Variants in LRMDA observed in about 807,000 individuals in gnomAD.
LRMDA encodes the protein leucine rich melanocyte differentiation associated.
In LRMDA, 18 loss-of-function variants were observed where a neutral mutation model predicts 29.8. That is an observed-to-expected ratio of 0.60 (90% CI 0.42 to 0.90). The LOEUF (loss-of-function observed/expected upper bound fraction) is 0.90, where lower values mean the gene tolerates loss of function less well. LRMDA is among the 40% of genes least tolerant of loss of function. The probability of loss-of-function intolerance (pLI) is 0.00; values close to 1 mark genes in which losing one functional copy is unlikely to be tolerated. For missense variants in LRMDA, 273 were observed against 273.9 expected (o/e 1.00, Z 0.02); for synonymous variants, 125 against 109.4 (o/e 1.14, Z -0.89).
At chr10:75,472,172 C>T (rs1390887259) in intron 2 of LRMDA, among the ~76,000 whole-genome samples, 1 of 152,168 alleles carries the variant, frequency 6.6e-6, no homozygotes, top group Non-Finnish European at 1.5e-5. Context: ...CATCTATAGC[C>T]TCCAGTCCCT....
intron 2 of LRMDA, among the ~76,000 whole-genome samples, chr10:76,015,575 C>T (rs369584294): frequency 1.2e-4 from 19 of 152,282 alleles, no homozygotes; most frequent in African/African-American, 4.6e-4. Flanking sequence ...ATATCCATCA[C>T]GTCTGCAGGA....
intron 2 of LRMDA, among the ~76,000 whole-genome samples, chr10:75,439,311 C>G (rs1844299565): frequency 6.6e-6 from 1 of 152,138 alleles, no homozygotes; most frequent in African/African-American, 2.4e-5. Context: ...TCCATGCCCT[C>G]CTTGAGAGCT....
At chr10:75,568,067 A>G (rs893970090) in intron 2 of LRMDA, among the ~76,000 whole-genome samples, 1 of 152,224 alleles carries the variant, frequency 6.6e-6, no homozygotes, top group African/African-American at 2.4e-5. Flanking sequence ...TAGAAAGTAG[A>G]CAAATTGTAG....
chr10:76,526,435 T>A (rs1843174952), intron 6 of LRMDA, among the ~76,000 whole-genome samples: 1 of 152,140 alleles, frequency 6.6e-6, no homozygotes, highest in Non-Finnish European at 1.5e-5. Flanking sequence ...AAGAAGGATG[T>A]CTTTCCCTTA....
At chr10:76,167,346 CA>C (rs1850759108) in intron 5 of LRMDA, among the ~76,000 whole-genome samples, 2 of 152,146 alleles carry the variant, frequency 1.3e-5, no homozygotes, top group Admixed American at 1.3e-4. Flanking sequence ...GCTTTTGTTG[CA>C]ATTGCTTTTG....
At chr10:76,522,544 G>A (rs919909897) in intron 6 of LRMDA, among the ~76,000 whole-genome samples, 4 of 152,222 alleles carry the variant, frequency 2.6e-5, no homozygotes, top group Non-Finnish European at 5.9e-5. Context: ...GCAAAGCCCA[G>A]TGTACTGGTT....
intron 5 of LRMDA, among the ~76,000 whole-genome samples, chr10:76,302,384 G>C (rs1840492351): frequency 6.6e-6 from 1 of 152,146 alleles, no homozygotes; most frequent in Non-Finnish European, 1.5e-5. Context: ...AAGGAGAAAA[G>C]GCTGAAGGTG....
chr10:76,444,686 G>C (rs1463689329), intron 6 of LRMDA, among the ~76,000 whole-genome samples: 1 of 152,070 alleles, frequency 6.6e-6, no homozygotes, highest in Non-Finnish European at 1.5e-5. Flanking sequence ...ACGAATGCAA[G>C]AGCCTGTTAG....
In LRMDA at chr10:76,365,107, T is replaced by TATATATACAC. The variant is rs141131236; in HGVS notation, c.601+40623_601+40624insTATATACACA. Among the ~76,000 whole-genome samples the TATATATACAC allele has an allele frequency of 1.1e-3, 70 of 61,078 alleles. 3 individuals carry two copies. The highest frequency in any genetic ancestry group is 1.4e-3 in the Non-Finnish European group (33 of 22,952). The allele number at this position is 61,078 out of a possible 152,430, so 40.1% of individuals were successfully genotyped here. A position where few individuals can be genotyped will look rare whatever the true frequency, so the allele number is the denominator to read the frequency against. On this transcript the variant is annotated intron_variant, in intron 6 of 6. Coordinates refer to ENST00000611255, the MANE Select transcript of LRMDA (RefSeq NM_001305581.2). Reference sequence around the variant, plus strand: ...ACACATATATATATATATATATATATACACACACACACATACACACCACAG... The same window carrying TATATATACAC: ...ACACATATATATATATATATATATATATATATACACACACACACACACATACACACCACAG...
intron 6 of LRMDA, among the ~76,000 whole-genome samples, chr10:76,380,529 C>A (rs1048131490): frequency 6.6e-6 from 1 of 151,644 alleles, no homozygotes; most frequent in Non-Finnish European, 1.5e-5. Context: ...ATTAGTCGGG[C>A]GTGGTGGCGG....
chr10:76,459,982 C>T (rs910806067), intron 6 of LRMDA, among the ~76,000 whole-genome samples: 4 of 152,134 alleles, frequency 2.6e-5, no homozygotes, highest in Non-Finnish European at 5.9e-5. Context: ...AAGGTGTGGC[C>T]ATTGCCTCTG....
At chr10:75,671,337 G>T (rs1453845690) in intron 2 of LRMDA, among the ~76,000 whole-genome samples, 1 of 152,136 alleles carries the variant, frequency 6.6e-6, no homozygotes, top group Non-Finnish European at 1.5e-5. Flanking sequence ...AGTATTCCAA[G>T]ACTCTTGGTC....
chr10:76,386,521 CT>C (rs1418549393), intron 6 of LRMDA, among the ~76,000 whole-genome samples: 1 of 152,036 alleles, frequency 6.6e-6, no homozygotes, highest in Non-Finnish European at 1.5e-5. Flanking sequence ...AATGTAGTTT[CT>C]TTTCAGTTTT....
chr10:75,847,182 A>G (rs559039095), intron 2 of LRMDA, among the ~76,000 whole-genome samples: 4 of 152,314 alleles, frequency 2.6e-5, no homozygotes, highest in African/African-American at 9.6e-5. Context: ...AACCAAATAC[A>G]GAGTTCAGAA....
intron 5 of LRMDA, among the ~76,000 whole-genome samples, chr10:76,232,709 A>G (rs1852080799): frequency 6.6e-6 from 1 of 152,186 alleles, no homozygotes; most frequent in South Asian, 2.1e-4. Context: ...CTTGCACCCA[A>G]GAAAAATAAG....
At chr10:76,006,461 A>C (rs527833469) in intron 2 of LRMDA, among the ~76,000 whole-genome samples, 1 of 152,140 alleles carries the variant, frequency 6.6e-6, no homozygotes, top group African/African-American at 2.4e-5. Context: ...AAACCAAGTA[A>C]ACTAACTATT....
chr10:75,435,415 C>A (rs902465754), intron 1 of LRMDA, among the ~76,000 whole-genome samples: 1 of 152,200 alleles, frequency 6.6e-6, no homozygotes, highest in African/African-American at 2.4e-5. Flanking sequence ...CTTGCAATGT[C>A]TGGCAGTGGC....
chr10:75,968,225 T>C (rs1483483178), intron 2 of LRMDA, among the ~76,000 whole-genome samples: 2 of 152,000 alleles, frequency 1.3e-5, no homozygotes, highest in Non-Finnish European at 2.9e-5. Context: ...CCACTAGAGC[T>C]GTAAGGACAG....
intron 6 of LRMDA, among the ~76,000 whole-genome samples, chr10:76,536,301 C>A (rs780993648): frequency 2.0e-5 from 3 of 152,098 alleles, no homozygotes; most frequent in Non-Finnish European, 2.9e-5. Context: ...TCTTGTAACT[C>A]TTTTTGTTTT....
Sources: allele counts gnomAD v4.1 joint callset (sites outside exome capture counted in the v4.1 genomes callset), GRCh38; gene constraint gnomAD v4.1.1; transcripts MANE v1.5; gene names NCBI Gene and HGNC (gene_info 2026-07-23, HGNC 2026-07-21).